CDH1: variants seen among roughly 807,000 people sequenced by gnomAD.
CDH1 encodes the protein cadherin 1, also known as cadherin-1.
Under a neutral mutation model 84.5 loss-of-function variants are expected in CDH1, and 35 were observed. That is an observed-to-expected ratio of 0.41 (90% CI 0.32 to 0.55). CDH1 has a LOEUF of 0.55. Among genes scored for constraint, CDH1 ranks in the 20% least tolerant of loss-of-function variants. The pLI, the probability that CDH1 is intolerant of heterozygous loss-of-function variation, is 0.19. For missense variants in CDH1, 994 were observed against 1,126.6 expected (o/e 0.88, Z 1.68); for synonymous variants, 417 against 439.0 (o/e 0.95, Z 0.63).
intron 2 of CDH1, among the ~76,000 whole-genome samples, chr16:68,794,221 T>TA (rs1006043527): frequency 4.5e-4 from 68 of 152,048 alleles, no homozygotes; most frequent in African/African-American, 1.5e-3. Flanking sequence ...TTGAGTTTTT[T>TA]ATAGAGACAC....
chr16:68,818,239 C>CAAAAA (rs576537213), intron 10 of CDH1, among the ~76,000 whole-genome samples: 1 of 83,572 alleles, frequency 1.2e-5, no homozygotes, highest in Non-Finnish European at 2.9e-5. Flanking sequence ...GACTCTGTCC[C>CAAAAA]AAAAAAAAAA....
At position 68,775,991 on chromosome 16, in the gene CDH1, T is replaced by C. The variant is rs1000517444; in HGVS notation, c.164-25679T>C. 7.9e-5 allele frequency among the ~76,000 whole-genome samples: 12 copies of C among 152,192 alleles called. No homozygotes were observed. The East Asian group carries it at 2.3e-3, about 29-fold the overall frequency. On this transcript the variant is annotated intron_variant, in intron 2 of 15. Coordinates refer to ENST00000261769, the MANE Select transcript of CDH1 (RefSeq NM_004360.5). ...CTATTTTAGATTTCTTTTTTTCTTT[T>C]GGTGAGACAGAGTCTCAGTTTATCA...
At chr16:68,804,456 A>G (rs1322605240) in intron 3 of CDH1, among the ~76,000 whole-genome samples, 9 of 152,082 alleles carry the variant, frequency 5.9e-5, no homozygotes, top group Non-Finnish European at 1.2e-4. Context: ...TCCACAAGCA[A>G]CACTTGAGAA....
intron 6 of CDH1, 84 bp downstream of exon 6, chr16:68,810,425 G>A (rs969153299): frequency 1.8e-5 from 24 of 1,350,146 alleles, no homozygotes; most frequent in African/African-American, 1.4e-4. Context: ...CCCAAAGGTT[G>A]TGTAACTAAA....
chr16:68,753,867 A>C (rs536850595), intron 2 of CDH1, among the ~76,000 whole-genome samples: 4 of 150,966 alleles, frequency 2.6e-5, no homozygotes, highest in Admixed American at 2.6e-4. Flanking sequence ...CTGTAATCCC[A>C]GTACTTTGGG....
chr16:68,737,474 T>A lies in CDH1; in HGVS notation c.48+11T>A. 2 of 1,536,444 alleles carry A rather than the reference T, an allele frequency of 1.3e-6. No individual in the cohort carries two copies. Among genetic ancestry groups the A allele is most frequent in the Non-Finnish European group, 1.7e-6 (2 of 1,147,938 alleles). ...CTGCTGCTGCTGCAGGTACCCCGGATCCCCTGACTTGCGAGGGACGCATTC... is the reference window on the plus strand; with the variant it reads ...CTGCTGCTGCTGCAGGTACCCCGGAACCCCTGACTTGCGAGGGACGCATTC... On this transcript the variant is annotated intron_variant, in intron 1 of 15. Transcript: ENST00000261769.
At position 68,815,760 on chromosome 16, in the gene CDH1, G is replaced by C. The variant is rs587780113; in HGVS notation, c.1565+1G>C. ...ACACATTTATGGAACAGAAAATAACGTAAGTGTGAGGATTTTTCAACTGAC... is the reference window on the plus strand; with the variant it reads ...ACACATTTATGGAACAGAAAATAACCTAAGTGTGAGGATTTTTCAACTGAC... On this transcript the variant is annotated splice_donor_variant, in intron 10 of 15. Transcript: ENST00000261769. LOFTEE classifies it high-confidence loss of function. 1 of 1,614,188 alleles carries C rather than the reference G, an allele frequency of 6.2e-7. No homozygotes were observed. Among genetic ancestry groups the C allele is most frequent in the Non-Finnish European group, 8.5e-7 (1 of 1,180,030 alleles).
In CDH1 at chr16:68,811,860, G is replaced by C. The variant is rs1960844889; in HGVS notation, c.1008+1G>C. 1 of 1,614,086 alleles carries C rather than the reference G, an allele frequency of 6.2e-7. No individual in the cohort carries two copies. The highest frequency in any genetic ancestry group is 1.1e-5 in the South Asian group (1 of 91,074). ...GGTCACCACTGGGCTGGACCGAGAG[G>C]TCAGGGGTCAGGAGGATCCAGAGGG... On this transcript the variant is annotated splice_donor_variant, in intron 7 of 15. Transcript: ENST00000261769. LOFTEE classifies it high-confidence loss of function.
intron 2 of CDH1, among the ~76,000 whole-genome samples, chr16:68,775,375 A>C (rs13334294): frequency 0.29 from 44,541 of 151,948 alleles, 6,592 homozygotes; most frequent in Middle Eastern, 0.34. Context: ...AATATTCCCA[A>C]CCATGCCAAG....
chr16:68,807,072 A>G (rs1485812512), intron 3 of CDH1, among the ~76,000 whole-genome samples: 1 of 152,224 alleles, frequency 6.6e-6, no homozygotes, highest in African/African-American at 2.4e-5. Context: ...CTGTGTTACC[A>G]GTAATCACCT....
chr16:68,797,908 GTC>G (rs1850653706), intron 2 of CDH1, among the ~76,000 whole-genome samples: 1 of 151,874 alleles, frequency 6.6e-6, no homozygotes, highest in African/African-American at 2.4e-5. Context: ...GTGAAACCTT[GTC>G]TCTACTAAAA....
chr16:68,781,172 C>T (rs530568059), intron 2 of CDH1, among the ~76,000 whole-genome samples: 7 of 152,296 alleles, frequency 4.6e-5, no homozygotes, highest in South Asian at 2.1e-4. Context: ...GCACTCAAAG[C>T]ACTCACACAG....
chr16:68,753,265 TA>T (rs1962934864), intron 2 of CDH1, among the ~76,000 whole-genome samples: 1 of 146,186 alleles, frequency 6.8e-6, no homozygotes, highest in South Asian at 2.2e-4. Context: ...TCGGCCAAGA[TA>T]AAAATCTCAT....
At chr16:68,818,237 C>CT (rs201346332) in intron 10 of CDH1, among the ~76,000 whole-genome samples, 29 of 111,528 alleles carry the variant, frequency 2.6e-4, no homozygotes, top group African/African-American at 1.3e-3. Context: ...GAGACTCTGT[C>CT]CCAAAAAAAA....
chr16:68,811,218 A>T (rs1597893409), intron 6 of CDH1, among the ~76,000 whole-genome samples: 1 of 151,926 alleles, frequency 6.6e-6, no homozygotes, highest in East Asian at 1.9e-4. Context: ...ACCAACATGG[A>T]GAAACCCTGT....
intron 3 of CDH1, among the ~76,000 whole-genome samples, chr16:68,806,510 T>C (rs1597888988): frequency 6.6e-6 from 1 of 152,122 alleles, no homozygotes; most frequent in Non-Finnish European, 1.5e-5. Context: ...CAAATCTCAA[T>C]AAAACCATAA....
chr16:68,781,409 G>A (rs1053120513), intron 2 of CDH1, among the ~76,000 whole-genome samples: 4 of 152,006 alleles, frequency 2.6e-5, no homozygotes, highest in Admixed American at 1.3e-4. Context: ...GTGTGATCAC[G>A]GCTAGTTGCA....
At chr16:68,741,633 G>C (rs971928803) in intron 2 of CDH1, among the ~76,000 whole-genome samples, 1 of 145,966 alleles carries the variant, frequency 6.9e-6, no homozygotes, top group African/African-American at 2.5e-5. Flanking sequence ...CCAGCTTCTA[G>C]AATGAAGACC....
chr16:68,816,761 C>CA (rs776315645), intron 10 of CDH1, among the ~76,000 whole-genome samples: 4 of 149,850 alleles, frequency 2.7e-5, no homozygotes, highest in Admixed American at 6.6e-5. Flanking sequence ...AAACAAAAAA[C>CA]AAAAAAACTC....
Sources: gnomAD v4.1 joint callset for allele counts (sites outside exome capture counted in the v4.1 genomes callset) on GRCh38, gnomAD v4.1.1 for gene constraint, MANE v1.5 for transcripts, NCBI Gene and HGNC (gene_info 2026-07-23, HGNC 2026-07-21) for gene names.